The following TMIGD3 variants were observed in gnomAD, a reference collection of about 807,000 sequenced individuals.
TMIGD3 encodes the protein transmembrane and immunoglobulin domain containing 3.
In TMIGD3, 21 loss-of-function variants were observed where a neutral mutation model predicts 28.1. The observed-to-expected ratio is 0.75, with a 90% CI of 0.53 to 1.08. The LOEUF (loss-of-function observed/expected upper bound fraction) is 1.08. Ranked by LOEUF, TMIGD3 falls within the 50% of genes least tolerant of loss-of-function variation. The probability of loss-of-function intolerance (pLI) is 0.00; values close to 1 mark genes in which losing one functional copy is unlikely to be tolerated. For synonymous variants in TMIGD3, 151 were observed against 162.1 expected, an observed-to-expected ratio of 0.93 and a Z score of 0.52; for missense variants, 416 against 435.6, an observed-to-expected ratio of 0.96 and a Z score of 0.40.
At chr1:111,512,905 G>C (rs1026430594) in intron 1 of TMIGD3, among the ~76,000 whole-genome samples, 1 of 152,206 alleles carries the variant, frequency 6.6e-6, no homozygotes, top group Non-Finnish European at 1.5e-5. Flanking sequence ...GGTACCTCCA[G>C]CTTTAGAAAT....
At chr1:111,527,793 A>G (rs1401113719) in intron 1 of TMIGD3, among the ~76,000 whole-genome samples, 1 of 152,144 alleles carries the variant, frequency 6.6e-6, no homozygotes, top group African/African-American at 2.4e-5. Context: ...CCATCCTTAT[A>G]TCATCTTTGG....
chr1:111,496,792 A>G (rs958519712), intron 1 of TMIGD3, among the ~76,000 whole-genome samples: 2 of 152,214 alleles, frequency 1.3e-5, no homozygotes, highest in African/African-American at 4.8e-5. Context: ...GTCTCTGCCA[A>G]AATGCAAGTG....
rs112356812 is a variant in TMIGD3, at chr1:111,492,554, G to A, written c.351-1792C>T. 6.3e-3 allele frequency among the ~76,000 whole-genome samples: 951 copies of A among 152,074 alleles called. 12 individuals carry two copies. Among genetic ancestry groups the A allele is most frequent in the African/African-American group, 0.02 (808 of 41,416 alleles). On this transcript the variant is annotated intron_variant, in intron 1 of 5. Transcript: ENST00000369716. ...TCTCTAGCCAGGCACGGTGGCTCAC[G>A]CCTGTAATCCCAGCACTTTGGGAGG...
intron 1 of TMIGD3, among the ~76,000 whole-genome samples, chr1:111,510,305 C>T (rs1247342502): frequency 6.6e-6 from 1 of 152,084 alleles, no homozygotes; most frequent in African/African-American, 2.4e-5. Flanking sequence ...TCCCAGATGA[C>T]CTTAGTCCCT....
At chr1:111,488,589 G>T in intron 3 of TMIGD3, 88 bp downstream of exon 3, 1 of 1,232,540 alleles carries the variant, frequency 8.1e-7, no homozygotes, top group Non-Finnish European at 1.1e-6. Flanking sequence ...TCTGAGTTGG[G>T]GCTCACTGGC....
Position 111,484,118 on chromosome 1 carries a change from G to A in TMIGD3, c.974-361C>T, listed in dbSNP as rs116703279. On this transcript the variant is annotated intron_variant, in intron 5 of 5. Transcript: ENST00000369716. Reference sequence around the variant, plus strand: ...CAACTTCTTGCTAAAAAGAAGTAGCGTTGAGTTCTACTGCCTCATCTTTCA... The same window carrying A: ...CAACTTCTTGCTAAAAAGAAGTAGCATTGAGTTCTACTGCCTCATCTTTCA... Among the ~76,000 whole-genome samples, 758 of 152,264 alleles carry A rather than the reference G, an allele frequency of 5.0e-3. 5 individuals carry two copies. Among genetic ancestry groups the A allele is most frequent in the African/African-American group, 0.017 (699 of 41,554 alleles).
intron 1 of TMIGD3, among the ~76,000 whole-genome samples, chr1:111,527,032 A>T (rs1165858125): frequency 1.6e-5 from 1 of 64,214 alleles, no homozygotes; most frequent in African/African-American, 6.0e-5. Context: ...TTTTTTTGAG[A>T]CTGAGTCTTG....
intron 1 of TMIGD3, among the ~76,000 whole-genome samples, chr1:111,516,717 G>C (rs1342459960): frequency 6.6e-6 from 1 of 152,196 alleles, no homozygotes; most frequent in Non-Finnish European, 1.5e-5. Flanking sequence ...GCTTGAAAGA[G>C]AGTAGGCAGG....
chr1:111,518,966 T>A (rs1003350407), intron 1 of TMIGD3, among the ~76,000 whole-genome samples: 1 of 152,126 alleles, frequency 6.6e-6, no homozygotes, highest in East Asian at 1.9e-4. Context: ...TGAGACGGAA[T>A]CTCACTCTGT....
In TMIGD3 at chr1:111,503,399, A is replaced by T. The variant is rs926182832; in HGVS notation, c.-45T>A. On this transcript the variant is annotated 5_prime_UTR_variant, in exon 1 of 6. In the 5' UTR this introduces an upstream ATG that the reference lacks. Transcript: ENST00000369716. Reference sequence around the variant, plus strand: ...CTCCACAGGGACAGGTGAGCCAGCAAGATCCGTCTGTAGGGCCAGTGGGCC... The same window carrying T: ...CTCCACAGGGACAGGTGAGCCAGCATGATCCGTCTGTAGGGCCAGTGGGCC... The T allele has an allele frequency of 6.4e-7, 1 of 1,558,614 alleles. No homozygotes were observed. The highest frequency in any genetic ancestry group is 8.7e-7 in the Non-Finnish European group (1 of 1,148,060).
chr1:111,547,502 AC>A (rs1657078397), intron 1 of TMIGD3, among the ~76,000 whole-genome samples: 1 of 152,192 alleles, frequency 6.6e-6, no homozygotes, highest in Non-Finnish European at 1.5e-5. Flanking sequence ...TAAAATATAA[AC>A]TAATTTCTCA....
intron 1 of TMIGD3, chr1:111,500,708 C>G: frequency 1.4e-6 from 1 of 711,374 alleles, no homozygotes; most frequent in Non-Finnish European, 2.3e-6. Flanking sequence ...CATTGATATC[C>G]TATGGTGATT....
intron 1 of TMIGD3, among the ~76,000 whole-genome samples, chr1:111,537,336 T>A (rs1386654559): frequency 6.6e-6 from 1 of 152,186 alleles, no homozygotes. Context: ...TCCAACAGAG[T>A]GGAGGAGCTC....
chr1:111,548,941 C>T (rs568208128), intron 1 of TMIGD3, among the ~76,000 whole-genome samples: 1 of 152,300 alleles, frequency 6.6e-6, no homozygotes, highest in African/African-American at 2.4e-5. Flanking sequence ...AGATCTTGTT[C>T]AGACATGTTA....
chr1:111,563,685 C>T (rs1452235898), intron 1 of TMIGD3, among the ~76,000 whole-genome samples: 3 of 152,224 alleles, frequency 2.0e-5, no homozygotes, highest in Admixed American at 2.0e-4. Flanking sequence ...ATCATCTTCA[C>T]AACCCTGTGG....
chr1:111,534,808 C>A (rs1656586497), intron 1 of TMIGD3, among the ~76,000 whole-genome samples: 1 of 152,054 alleles, frequency 6.6e-6, no homozygotes, highest in Non-Finnish European at 1.5e-5. Context: ...AGTGTGGACT[C>A]AATGCTGACT....
chr1:111,556,156 T>G (rs992808245), intron 1 of TMIGD3, among the ~76,000 whole-genome samples: 1 of 152,200 alleles, frequency 6.6e-6, no homozygotes, highest in Admixed American at 6.5e-5. Flanking sequence ...GGTCAGTAAG[T>G]AAATAAAAAG....
intron 1 of TMIGD3, among the ~76,000 whole-genome samples, chr1:111,495,820 G>A (rs1235234194): frequency 6.6e-6 from 1 of 152,204 alleles, no homozygotes; most frequent in Non-Finnish European, 1.5e-5. Flanking sequence ...ACTACTATGT[G>A]ACCATGAAAA....
intron 1 of TMIGD3, among the ~76,000 whole-genome samples, chr1:111,524,454 C>G (rs1366216999): frequency 6.6e-6 from 1 of 152,110 alleles, no homozygotes; most frequent in Non-Finnish European, 1.5e-5. Flanking sequence ...GTGAAATAAA[C>G]TTGTCAGTAG....
Sources: gnomAD v4.1 joint callset for allele counts (sites outside exome capture counted in the v4.1 genomes callset) on GRCh38, gnomAD v4.1.1 for gene constraint, MANE v1.5 for transcripts, NCBI Gene and HGNC (gene_info 2026-07-23, HGNC 2026-07-21) for gene names.